MAML2: variants seen among roughly 807,000 people sequenced by gnomAD.
MAML2 encodes the protein mastermind like transcriptional coactivator 2, also known as mastermind-like protein 2.
MAML2 carries 22 observed loss-of-function variants against 96.1 expected under a neutral mutation model. The ratio of observed to expected loss-of-function variants is 0.23; its 90% confidence interval spans 0.16 to 0.33. The LOEUF is 0.33. Ranked by LOEUF, MAML2 falls within the 10% of genes least tolerant of loss-of-function variation. The pLI is 1.00. For synonymous variants in MAML2, 561 were observed against 521.3 expected (o/e 1.08, Z -1.04); for missense variants, 1,367 against 1,392.4 (o/e 0.98, Z 0.29).
chr11:96,169,677 A>G (rs1759677941), intron 1 of MAML2, among the ~76,000 whole-genome samples: 3 of 119,690 alleles, frequency 2.5e-5, no homozygotes, highest in Admixed American at 8.1e-5. Flanking sequence ...TTTTTTTGAG[A>G]TGGAGTCTAG....
intron 2 of MAML2, among the ~76,000 whole-genome samples, chr11:96,061,568 A>G (rs993522501): frequency 7.2e-5 from 11 of 152,216 alleles, no homozygotes; most frequent in Non-Finnish European, 1.0e-4. Context: ...CTTGGAATAT[A>G]GGTGCCTACT....
intron 1 of MAML2, among the ~76,000 whole-genome samples, chr11:96,170,959 G>A (rs902274294): frequency 1.4e-4 from 21 of 151,766 alleles, no homozygotes; most frequent in South Asian, 4.2e-4. Flanking sequence ...CAAATGATCC[G>A]CCCGCCTCGG....
chr11:96,039,908 A>G (rs1364180174), intron 2 of MAML2, among the ~76,000 whole-genome samples: 1 of 149,926 alleles, frequency 6.7e-6, no homozygotes, highest in Non-Finnish European at 1.5e-5. Context: ...CAGTGAGCAG[A>G]GATCGTGCCA....
chr11:95,999,175 GA>G (rs1565185312), intron 2 of MAML2, among the ~76,000 whole-genome samples: 4 of 152,140 alleles, frequency 2.6e-5, no homozygotes, highest in African/African-American at 9.7e-5. Flanking sequence ...AATATTTAAA[GA>G]AATAGTATGT....
chr11:96,067,108 G>A (rs1859257488), intron 2 of MAML2, among the ~76,000 whole-genome samples: 1 of 152,168 alleles, frequency 6.6e-6, no homozygotes, highest in South Asian at 2.1e-4. Flanking sequence ...GTGGGGAGGA[G>A]ACATCACAGA....
intron 1 of MAML2, among the ~76,000 whole-genome samples, chr11:96,204,785 G>A (rs1591071313): frequency 6.6e-6 from 1 of 152,290 alleles, no homozygotes; most frequent in African/African-American, 2.4e-5. Flanking sequence ...AGGTTTCCTG[G>A]CTTTCTGCCA....
chr11:96,077,061 T>A (rs1203131512), intron 2 of MAML2, among the ~76,000 whole-genome samples: 1 of 152,102 alleles, frequency 6.6e-6, no homozygotes, highest in Non-Finnish European at 1.5e-5. Context: ...GACTTCCTTC[T>A]GCAAACAGAA....
chr11:96,002,985 T>C (rs1484095575), intron 2 of MAML2, among the ~76,000 whole-genome samples: 2 of 141,730 alleles, frequency 1.4e-5, no homozygotes, highest in African/African-American at 2.7e-5. Flanking sequence ...AGGATGATGA[T>C]GGTGATGATG....
chr11:96,225,374 T>C (rs1288261414), intron 1 of MAML2, among the ~76,000 whole-genome samples: 1 of 152,180 alleles, frequency 6.6e-6, no homozygotes, highest in Non-Finnish European at 1.5e-5. Flanking sequence ...AGATCTTCCA[T>C]CTCTATTCAT....
chr11:95,984,859 G>A (rs1159683384), intron 4 of MAML2, among the ~76,000 whole-genome samples: 1 of 152,202 alleles, frequency 6.6e-6, no homozygotes, highest in Non-Finnish European at 1.5e-5. Context: ...TTGGGCAGAA[G>A]CGTATTGAAT....
intron 2 of MAML2, among the ~76,000 whole-genome samples, chr11:96,003,935 T>C (rs570766410): frequency 1.9e-3 from 293 of 152,264 alleles, no homozygotes; most frequent in African/African-American, 7.0e-3. Flanking sequence ...CACTTAAACT[T>C]AGTAATAGCT....
chr11:96,109,749 A>G (rs973407915), intron 1 of MAML2, among the ~76,000 whole-genome samples: 2 of 152,210 alleles, frequency 1.3e-5, no homozygotes, highest in African/African-American at 2.4e-5. Context: ...AAGTTTGGGC[A>G]TGTTGAATGT....
intron 1 of MAML2, among the ~76,000 whole-genome samples, chr11:96,310,750 T>C (rs1043531455): frequency 4.6e-5 from 7 of 152,188 alleles, no homozygotes; most frequent in Non-Finnish European, 1.0e-4. Context: ...AGCCTCAGTC[T>C]CCCCAGGTGT....
intron 2 of MAML2, among the ~76,000 whole-genome samples, chr11:96,023,836 T>C (rs542106676): frequency 6.6e-6 from 1 of 152,234 alleles, no homozygotes; most frequent in African/African-American, 2.4e-5. Context: ...TTAGGGAAGC[T>C]GGAGAAATGT....
rs1363865085 is a variant in MAML2, at chr11:96,091,931, A to G, written c.2100T>C (p.Ile700=). The change falls in exon 2 of 5, where the codon ATT becomes ATC. Residue 700 remains isoleucine, a synonymous_variant. Transcript: ENST00000524717. ...GGGAGACTTGGTATCCCATTCCTGCAATGGGCTGATTCTGCATTTGCTGAA... is the reference window on the plus strand; with the variant it reads ...GGGAGACTTGGTATCCCATTCCTGCGATGGGCTGATTCTGCATTTGCTGAA... The part of the protein sequence containing the change: ...LLLQQMQNQP[I]AGMGYQVSQQ... 3.1e-6 allele frequency: 5 copies of G among 1,613,254 alleles called. No individual in the cohort carries two copies. The highest frequency in any genetic ancestry group is 4.2e-6 in the Non-Finnish European group (5 of 1,179,682).
intron 1 of MAML2, among the ~76,000 whole-genome samples, chr11:96,128,070 T>G (rs1025558985): frequency 2.0e-5 from 3 of 152,150 alleles, no homozygotes; most frequent in Admixed American, 1.3e-4. Context: ...ACTGGGTGTC[T>G]GGGTCTAAAA....
chr11:96,184,894 C>CA (rs1257870299), intron 1 of MAML2, among the ~76,000 whole-genome samples: 1 of 151,968 alleles, frequency 6.6e-6, no homozygotes, highest in Non-Finnish European at 1.5e-5. Context: ...GCGCCCAGCC[C>CA]AAAAAATGTT....
intron 3 of MAML2, among the ~76,000 whole-genome samples, chr11:95,987,333 A>G (rs1352086251): frequency 6.6e-6 from 1 of 152,232 alleles, no homozygotes; most frequent in Non-Finnish European, 1.5e-5. Flanking sequence ...TATACCCAAC[A>G]GAGAACAAAA....
chr11:96,126,111 T>C (rs1486085699), intron 1 of MAML2, among the ~76,000 whole-genome samples: 1 of 152,168 alleles, frequency 6.6e-6, no homozygotes, highest in Admixed American at 6.5e-5. Context: ...GCCCTAACTA[T>C]GTAGTCAGCA....
Sources: gnomAD v4.1 joint callset for allele counts (sites outside exome capture counted in the v4.1 genomes callset) on GRCh38, gnomAD v4.1.1 for gene constraint, MANE v1.5 for transcripts, NCBI Gene and HGNC (gene_info 2026-07-23, HGNC 2026-07-21) for gene names.